Variants in ZFYVE9 observed in about 807,000 individuals in gnomAD.
ZFYVE9 encodes the protein zinc finger FYVE domain-containing protein 9.
ZFYVE9 carries 43 observed loss-of-function variants against 126.7 expected under a neutral mutation model. That is an observed-to-expected ratio of 0.34 (90% CI 0.27 to 0.44). The LOEUF (loss-of-function observed/expected upper bound fraction) is 0.44. Ranked by LOEUF, ZFYVE9 falls within the 20% of genes least tolerant of loss-of-function variation. The pLI is 1.00. For missense variants in ZFYVE9, 1,476 were observed against 1,697.0 expected, an observed-to-expected ratio of 0.87 and a Z score of 2.29; for synonymous variants, 521 against 597.4, an observed-to-expected ratio of 0.87 and a Z score of 1.87.
intron 13 of ZFYVE9, among the ~76,000 whole-genome samples, chr1:52,309,878 A>G (rs1646121880): frequency 6.6e-6 from 1 of 152,196 alleles, no homozygotes; most frequent in Non-Finnish European, 1.5e-5. Context: ...CGGCATGGAA[A>G]TTTTAATAAG....
intron 1 of ZFYVE9, among the ~76,000 whole-genome samples, chr1:52,156,046 G>A (rs141407664): frequency 1.1e-3 from 174 of 152,284 alleles, no homozygotes; most frequent in African/African-American, 4.1e-3. Flanking sequence ...TATCACTGAC[G>A]TGATGGATCT....
At chr1:52,307,444 C>G (rs1646095474) in intron 13 of ZFYVE9, among the ~76,000 whole-genome samples, 2 of 152,134 alleles carry the variant, frequency 1.3e-5, no homozygotes, top group African/African-American at 4.8e-5. Context: ...ACCCTGTTGG[C>G]CAGGCTGGTC....
chr1:52,182,893 C>G (rs948131303), intron 1 of ZFYVE9, among the ~76,000 whole-genome samples: 1 of 149,488 alleles, frequency 6.7e-6, no homozygotes, highest in African/African-American at 2.5e-5. Flanking sequence ...GCCATAAAAC[C>G]TAGTCACTAT....
intron 2 of ZFYVE9, among the ~76,000 whole-genome samples, chr1:52,227,738 A>G (rs922031834): frequency 1.3e-5 from 2 of 152,164 alleles, no homozygotes; most frequent in East Asian, 1.9e-4. Flanking sequence ...TAGGAATTCT[A>G]ATTTCTCATG....
chr1:52,201,991 C>A (rs940287832), intron 1 of ZFYVE9, among the ~76,000 whole-genome samples: 15 of 151,762 alleles, frequency 9.9e-5, no homozygotes, highest in Non-Finnish European at 1.2e-4. Context: ...GCCACATGGG[C>A]CAGGTTGGTC....
chr1:52,143,501 G>T (rs1644280302), intron 1 of ZFYVE9, among the ~76,000 whole-genome samples: 1 of 152,056 alleles, frequency 6.6e-6, no homozygotes, highest in Admixed American at 6.6e-5. Flanking sequence ...TAGAAAACTT[G>T]GGAATTATAG....
intron 4 of ZFYVE9, among the ~76,000 whole-genome samples, chr1:52,249,248 T>C (rs926828506): frequency 3.4e-4 from 52 of 152,192 alleles, no homozygotes; most frequent in South Asian, 2.1e-4. Flanking sequence ...TCATAAATTA[T>C]CCAGTCTCCA....
intron 12 of ZFYVE9, among the ~76,000 whole-genome samples, chr1:52,297,830 C>T (rs1645993291): frequency 1.3e-5 from 2 of 151,946 alleles, no homozygotes; most frequent in South Asian, 2.1e-4. Flanking sequence ...TCAAGCAATT[C>T]TTGTGCCTCA....
At chr1:52,344,141 A>G (rs923004524) in intron 17 of ZFYVE9, among the ~76,000 whole-genome samples, 3 of 151,146 alleles carry the variant, frequency 2.0e-5, no homozygotes, top group African/African-American at 4.9e-5. Flanking sequence ...CCCTTCCTCT[A>G]TGGTGCTAGG....
chr1:52,223,800 G>A (rs1022799404), intron 2 of ZFYVE9, among the ~76,000 whole-genome samples: 3 of 152,060 alleles, frequency 2.0e-5, no homozygotes, highest in Non-Finnish European at 4.4e-5. Context: ...TCCCACTGAG[G>A]GTCCTGGGCC....
At chr1:52,216,169 A>G (rs189517252) in intron 1 of ZFYVE9, among the ~76,000 whole-genome samples, 200 bp from the exon 2 acceptor site, 1 of 152,360 alleles carries the variant, frequency 6.6e-6, no homozygotes, top group East Asian at 1.9e-4. Flanking sequence ...TCATTGAAAC[A>G]TTTAACTTTT....
chr1:52,260,328 A>G (rs528710418), intron 4 of ZFYVE9, among the ~76,000 whole-genome samples: 3 of 152,110 alleles, frequency 2.0e-5, no homozygotes, highest in South Asian at 2.1e-4. Context: ...GTATTTACCA[A>G]TGTGAGTTCT....
At chr1:52,182,675 G>T (rs1054627770) in intron 1 of ZFYVE9, among the ~76,000 whole-genome samples, 1 of 151,946 alleles carries the variant, frequency 6.6e-6, no homozygotes, top group African/African-American at 2.4e-5. Flanking sequence ...TTAATCTGCT[G>T]ACCTTCCCTC....
intron 13 of ZFYVE9, among the ~76,000 whole-genome samples, chr1:52,331,840 G>A (rs1230349839): frequency 2.7e-5 from 4 of 146,726 alleles, no homozygotes; most frequent in Non-Finnish European, 4.5e-5. Flanking sequence ...GTGCAGTGGT[G>A]CGATCTTGGC....
At chr1:52,232,728 CAAAAAAAAAA>C (rs552213191) in intron 2 of ZFYVE9, among the ~76,000 whole-genome samples, 2 of 27,356 alleles carry the variant, frequency 7.3e-5, no homozygotes, top group East Asian at 2.4e-3. Flanking sequence ...GACTCTGTCT[CAAAAAAAAAA>C]AAAAAAAAAA....
Position 52,278,475 on chromosome 1 carries a change from G to GT in ZFYVE9, c.2747-13dup. The GT allele has an allele frequency of 6.2e-7, 1 of 1,613,684 alleles. No homozygotes were observed. The highest frequency in any genetic ancestry group is 1.7e-4 in the Middle Eastern group (1 of 6,058). ...GTTCCTTTAACCAATCTATTACATT[G>GT]TTTTCTCCCCTTTCAGACTATGCTG... On this transcript the variant is annotated splice_polypyrimidine_tract_variant and intron_variant, in intron 8 of 18. Transcript: ENST00000287727.
At chr1:52,222,081 C>T (rs184256797) in intron 2 of ZFYVE9, among the ~76,000 whole-genome samples, 9 of 152,282 alleles carry the variant, frequency 5.9e-5, no homozygotes, top group East Asian at 5.8e-4. Context: ...TCAGGTTCTA[C>T]GAATTGGAGT....
chr1:52,161,342 T>A (rs752239307), intron 1 of ZFYVE9, among the ~76,000 whole-genome samples: 3 of 152,202 alleles, frequency 2.0e-5, no homozygotes, highest in Non-Finnish European at 4.4e-5. Context: ...CAGGCTGGAG[T>A]GCAGTGGCGC....
intron 1 of ZFYVE9, among the ~76,000 whole-genome samples, chr1:52,182,151 A>T (rs1448768892): frequency 6.7e-6 from 1 of 149,902 alleles, no homozygotes; most frequent in Non-Finnish European, 1.5e-5. Context: ...CCGCCCGGCC[A>T]GCTGCCCCAT....
Sources: allele counts gnomAD v4.1 joint callset (sites outside exome capture counted in the v4.1 genomes callset), GRCh38; gene constraint gnomAD v4.1.1; transcripts MANE v1.5; gene names NCBI Gene and HGNC (gene_info 2026-07-23, HGNC 2026-07-21).